The following TRAPPC3L variants were observed in gnomAD, a reference collection of about 807,000 sequenced individuals.
TRAPPC3L encodes trafficking protein particle complex subunit 3L, also known as trafficking protein particle complex subunit 3-like protein.
A neutral mutation model predicts 23.7 loss-of-function variants in TRAPPC3L; 23 were observed. The ratio of observed to expected loss-of-function variants is 0.97; its 90% confidence interval spans 0.70 to 1.37. The LOEUF is 1.37. Ranked by LOEUF, TRAPPC3L falls within the 40% of genes most tolerant of loss-of-function variation. The probability of loss-of-function intolerance (pLI) is 0.00; values close to 1 mark genes in which losing one functional copy is unlikely to be tolerated. For missense variants in TRAPPC3L, 212 were observed against 216.8 expected (o/e 0.98, Z 0.14); for synonymous variants, 81 against 77.9 (o/e 1.04, Z -0.21).
At chr6:116,527,310 G>T (rs549135621) in intron 3 of TRAPPC3L, among the ~76,000 whole-genome samples, 1 of 152,068 alleles carries the variant, frequency 6.6e-6, no homozygotes, top group Non-Finnish European at 1.5e-5. Flanking sequence ...GAGGTCAGGA[G>T]ATCGAGACCA....
At chr6:116,527,246 G>A (rs996773007) in intron 3 of TRAPPC3L, among the ~76,000 whole-genome samples, 13 of 151,966 alleles carry the variant, frequency 8.6e-5, no homozygotes, top group Non-Finnish European at 1.8e-4. Flanking sequence ...GGCCCGGCGC[G>A]GTGGCTCACG....
chr6:116,500,742 T>C, intron 3 of TRAPPC3L, 76 bp from the exon 4 acceptor site: 1 of 1,286,056 alleles, frequency 7.8e-7, no homozygotes, highest in Non-Finnish European at 1.1e-6. Flanking sequence ...AAATACCCAG[T>C]TCTAGGCATT....
chr6:116,527,907 A>G (rs1020621158), intron 3 of TRAPPC3L, among the ~76,000 whole-genome samples: 2 of 152,252 alleles, frequency 1.3e-5, no homozygotes, highest in South Asian at 4.1e-4. Context: ...ACACATGTAT[A>G]CCTATGTAAG....
At chr6:116,521,517 G>GGAGA (rs150273405) in intron 3 of TRAPPC3L, 60,591 of 149,638 alleles carry the variant, frequency 0.4, 13,727 homozygotes, top group Middle Eastern at 0.58. Context: ...GGAGAGAGAG[G>GGAGA]GAGAGAGAGA....
chr6:116,522,784 A>G (rs1364568086), intron 3 of TRAPPC3L: 1 of 152,160 alleles, frequency 6.6e-6, no homozygotes, highest in Non-Finnish European at 1.5e-5. Context: ...TCAAAATGTT[A>G]TCTTCAGACT....
At chr6:116,498,038 G>A (rs1771858771) in intron 4 of TRAPPC3L, among the ~76,000 whole-genome samples, 1 of 152,142 alleles carries the variant, frequency 6.6e-6, no homozygotes, top group South Asian at 2.1e-4. Context: ...ATTGCACTTG[G>A]AAATACAGAA....
rs1275799992 is a variant in TRAPPC3L, at chr6:116,496,868, T to C, written c.*86A>G. The C allele has an allele frequency of 7.0e-7, 1 of 1,433,528 alleles. No homozygotes were observed. Among genetic ancestry groups the C allele is most frequent in the Non-Finnish European group, 9.1e-7 (1 of 1,095,636 alleles). The allele number at this position is 1,433,528 out of a possible 1,614,324, so 88.8% of individuals were successfully genotyped here. A position where few individuals can be genotyped will look rare whatever the true frequency, so the allele number is the denominator to read the frequency against. On this transcript the variant is annotated 3_prime_UTR_variant, in exon 5 of 5. Transcript: ENST00000368602. Reference sequence around the variant, plus strand: ...TATAAACCTTTCAAAGCTCATGCTATGAAGCAATTCAAAATTTCTATGTCT... The same window carrying C: ...TATAAACCTTTCAAAGCTCATGCTACGAAGCAATTCAAAATTTCTATGTCT...
intron 4 of TRAPPC3L, 24 bp from the exon 5 acceptor site, chr6:116,497,097 C>T (rs1771844002): frequency 2.0e-6 from 3 of 1,512,922 alleles, no homozygotes; most frequent in Admixed American, 2.6e-5. Context: ...AAAAAACAGG[C>T]CTGTGTCATT....
At chr6:116,545,028 A>G (rs1470704096) in intron 1 of TRAPPC3L, among the ~76,000 whole-genome samples, 2 of 151,948 alleles carry the variant, frequency 1.3e-5, no homozygotes, top group East Asian at 3.8e-4. Context: ...TAAGACTAGG[A>G]AACATTTTTA....
chr6:116,513,899 C>T (rs1184197644), intron 3 of TRAPPC3L, among the ~76,000 whole-genome samples: 1 of 152,150 alleles, frequency 6.6e-6, no homozygotes, highest in East Asian at 1.9e-4. Context: ...CAATCACCAG[C>T]TATGTGACCT....
chr6:116,510,907 G>A (rs1335805151), intron 3 of TRAPPC3L, among the ~76,000 whole-genome samples: 2 of 151,608 alleles, frequency 1.3e-5, no homozygotes, highest in Admixed American at 6.6e-5. Flanking sequence ...GAAGTAACTC[G>A]GAAATAGAAA....
intron 3 of TRAPPC3L, among the ~76,000 whole-genome samples, chr6:116,530,573 C>T (rs1005931248): frequency 6.6e-6 from 1 of 152,070 alleles, no homozygotes; most frequent in African/African-American, 2.4e-5. Flanking sequence ...TCTACCAAAG[C>T]GTTCCTCTGA....
chr6:116,497,184 A>G, intron 4 of TRAPPC3L, 111 bp from the exon 5 acceptor site: 2 of 1,386,844 alleles, frequency 1.4e-6, no homozygotes, highest in Non-Finnish European at 1.9e-6. Flanking sequence ...TGATTTTTAA[A>G]AAAGCTTGTT....
chr6:116,500,540 G>C lies in TRAPPC3L; in HGVS notation c.367C>G (p.Arg123Gly). The change falls in exon 4 of 5, where the codon CGA (arginine) becomes GGA (glycine). Residue 123 changes from arginine to glycine, a missense_variant. Arg to Gly is a moderately radical substitution (Grantham distance 125). Coordinates refer to ENST00000368602, the MANE Select transcript of TRAPPC3L (RefSeq NM_001139444.3). The stretch of plus-strand genomic sequence containing the variant: ...AAGTTGCAGTAGCACAGAGAAGATC[G>C]CCCAGCAGGGAGCTCTTCCACAAAC... The part of the protein sequence containing the change: ...VEFVEELPAG[R>G]SSLCYCNLLC... 6.4e-7 allele frequency: 1 copy of C among 1,551,612 alleles called. No individual in the cohort carries two copies. Among genetic ancestry groups the C allele is most frequent in the Admixed American group, 2.0e-5 (1 of 50,996 alleles).
intron 3 of TRAPPC3L, among the ~76,000 whole-genome samples, chr6:116,511,285 T>G (rs1772113929): frequency 6.6e-6 from 1 of 151,256 alleles, no homozygotes; most frequent in South Asian, 2.1e-4. Flanking sequence ...AGAAAAACAT[T>G]CATAAAATTC....
At chr6:116,497,543 A>C (rs755928303) in intron 4 of TRAPPC3L, among the ~76,000 whole-genome samples, 26 of 152,236 alleles carry the variant, frequency 1.7e-4, no homozygotes, top group Non-Finnish European at 3.1e-4. Flanking sequence ...GCAGTCACTT[A>C]TGGCTTTGAG....
chr6:116,537,452 A>G (rs1773170630), intron 3 of TRAPPC3L, among the ~76,000 whole-genome samples: 3 of 152,170 alleles, frequency 2.0e-5, no homozygotes. Flanking sequence ...TTCTGAATAT[A>G]ATTTCTAAAT....
At chr6:116,509,006 G>T (rs1344107812) in intron 3 of TRAPPC3L, among the ~76,000 whole-genome samples, 7 of 149,118 alleles carry the variant, frequency 4.7e-5, no homozygotes. Flanking sequence ...CAAAACTAAT[G>T]TACCCAAATC....
chr6:116,524,619 A>T (rs1270461857), intron 3 of TRAPPC3L: 1 of 152,146 alleles, frequency 6.6e-6, no homozygotes, highest in Non-Finnish European at 1.5e-5. Context: ...TATTACTAAC[A>T]AGATGTTTTA....
Sources: gnomAD v4.1 joint callset for allele counts (sites outside exome capture counted in the v4.1 genomes callset) on GRCh38, gnomAD v4.1.1 for gene constraint, MANE v1.5 for transcripts, NCBI Gene and HGNC (gene_info 2026-07-23, HGNC 2026-07-21) for gene names.